The following ASTN1 variants were observed in gnomAD, a reference collection of about 807,000 sequenced individuals.
ASTN1 encodes astrotactin-1.
ASTN1 carries 41 observed loss-of-function variants against 140.7 expected under a neutral mutation model. That is an observed-to-expected ratio of 0.29 (90% CI 0.23 to 0.38). ASTN1 has a LOEUF of 0.38. Ranked by LOEUF, ASTN1 falls within the 10% of genes least tolerant of loss-of-function variation. The pLI, the probability that ASTN1 is intolerant of heterozygous loss-of-function variation, is 1.00. For synonymous variants in ASTN1, 640 were observed against 652.2 expected (o/e 0.98, Z 0.29); for missense variants, 1,479 against 1,678.8 (o/e 0.88, Z 2.08).
chr1:176,964,192 G>A (rs1314349470), intron 9 of ASTN1, among the ~76,000 whole-genome samples: 1 of 152,156 alleles, frequency 6.6e-6, no homozygotes, highest in African/African-American at 2.4e-5. Context: ...GGCTTGGAAA[G>A]GTGGCAGTGA....
At chr1:177,135,344 C>A (rs1260249368) in intron 1 of ASTN1, among the ~76,000 whole-genome samples, 1 of 151,496 alleles carries the variant, frequency 6.6e-6, no homozygotes, top group African/African-American at 2.4e-5. Context: ...CAGCCAATAC[C>A]CCACCAACAG....
intron 8 of ASTN1, among the ~76,000 whole-genome samples, chr1:176,968,524 T>C (rs1672992734): frequency 6.6e-6 from 1 of 152,170 alleles, no homozygotes; most frequent in Admixed American, 6.5e-5. Context: ...CAACTCACTC[T>C]ACAGCATTGA....
At chr1:176,970,579 G>A (rs182928783) in intron 8 of ASTN1, among the ~76,000 whole-genome samples, 5 of 151,938 alleles carry the variant, frequency 3.3e-5, no homozygotes, top group East Asian at 3.9e-4. Context: ...AGGTAGGTAG[G>A]TAGGTAGGTA....
intron 1 of ASTN1, among the ~76,000 whole-genome samples, chr1:177,154,255 A>G (rs1480965664): frequency 2.0e-5 from 3 of 152,228 alleles, no homozygotes; most frequent in African/African-American, 7.2e-5. Flanking sequence ...GTCAGAATCA[A>G]TGGATAAGAT....
At chr1:176,956,334 G>A (rs755971445) in intron 11 of ASTN1, among the ~76,000 whole-genome samples, 2 of 152,000 alleles carry the variant, frequency 1.3e-5, no homozygotes, top group Non-Finnish European at 2.9e-5. Context: ...ATAGGTAAAA[G>A]TCTGGGGAGG....
At chr1:177,054,395 C>T (rs145305794) in intron 2 of ASTN1, among the ~76,000 whole-genome samples, 1 of 152,162 alleles carries the variant, frequency 6.6e-6, no homozygotes, top group Non-Finnish European at 1.5e-5. Flanking sequence ...CTAACATCTC[C>T]TAACATCTCT....
chr1:177,034,688 C>T (rs990633233), intron 2 of ASTN1, among the ~76,000 whole-genome samples: 16 of 152,046 alleles, frequency 1.1e-4, no homozygotes, highest in Admixed American at 1.3e-4. Flanking sequence ...TGTGTCCAAC[C>T]TGACATTTTT....
chr1:177,158,345 A>T (rs1683330193), intron 1 of ASTN1, among the ~76,000 whole-genome samples: 1 of 152,216 alleles, frequency 6.6e-6, no homozygotes, highest in Non-Finnish European at 1.5e-5. Flanking sequence ...ATGTAACAAA[A>T]GCTATTGAAA....
intron 16 of ASTN1, among the ~76,000 whole-genome samples, chr1:176,900,396 C>T (rs1235609925): frequency 6.6e-6 from 1 of 152,214 alleles, no homozygotes; most frequent in Non-Finnish European, 1.5e-5. Flanking sequence ...CAGCAAAACG[C>T]ACTGCTAACT....
At chr1:176,880,915 C>G (rs536799062) in intron 20 of ASTN1, among the ~76,000 whole-genome samples, 1 of 152,338 alleles carries the variant, frequency 6.6e-6, no homozygotes, top group African/African-American at 2.4e-5. Context: ...AGGGGATTCT[C>G]AGAGTCAGCA....
chr1:176,996,285 T>TCA (rs879603228), intron 8 of ASTN1, among the ~76,000 whole-genome samples: 2,312 of 121,904 alleles, frequency 0.019, 24 homozygotes, highest in Middle Eastern at 0.03. Context: ...TCTCTCTCTC[T>TCA]CTCTCACACA....
chr1:176,991,042 G>A (rs1300794206), intron 8 of ASTN1, among the ~76,000 whole-genome samples: 4 of 151,980 alleles, frequency 2.6e-5, no homozygotes, highest in Non-Finnish European at 4.4e-5. Flanking sequence ...AATTAGCCTC[G>A]CTGCTCTTCC....
chr1:177,098,286 C>T (rs1190395161), intron 1 of ASTN1, among the ~76,000 whole-genome samples: 2 of 145,448 alleles, frequency 1.4e-5, no homozygotes, highest in African/African-American at 5.6e-5. Flanking sequence ...GAGAGTTGGC[C>T]AATTGGTTGT....
rs1007192454 is a variant in ASTN1, at chr1:176,862,763, C to T, written c.*1521G>A. On this transcript the variant is annotated 3_prime_UTR_variant, in exon 23 of 23. Coordinates refer to ENST00000361833, the MANE Select transcript of ASTN1 (RefSeq NM_004319.3). ...AGTTGCTGTGAGAATTCAATGATAC[C>T]TAAAGTGCTTACATCAGCGCCTGGC... 6.2e-6 allele frequency: 6 copies of T among 960,760 alleles called. No homozygotes were observed. Among genetic ancestry groups the T allele is most frequent in the Middle Eastern group, 5.2e-4 (1 of 1,908 alleles). 59.5% of individuals were successfully genotyped at this position (960,760 alleles called of 1,614,324 possible). A position where few individuals can be genotyped will look rare whatever the true frequency, so the allele number is the denominator to read the frequency against.
intron 1 of ASTN1, among the ~76,000 whole-genome samples, chr1:177,159,696 T>C (rs960001551): frequency 5.9e-5 from 9 of 152,258 alleles, no homozygotes; most frequent in African/African-American, 1.9e-4. Flanking sequence ...CATTACCTTC[T>C]GGATAGCTCC....
intron 1 of ASTN1, among the ~76,000 whole-genome samples, chr1:177,115,690 A>ATAAATAAG (rs1338237811): frequency 2.0e-5 from 3 of 151,588 alleles, no homozygotes; most frequent in African/African-American, 7.3e-5. Context: ...AAATAAATAA[A>ATAAATAAG]TAAATAAATG....
At chr1:177,149,421 A>ATATATATAGTAAATATATATATAG (rs1682905163) in intron 1 of ASTN1, among the ~76,000 whole-genome samples, 5 of 78,456 alleles carry the variant, frequency 6.4e-5, no homozygotes, top group African/African-American at 3.3e-4. Flanking sequence ...TATATATAGT[A>ATATATATAGTAAATATATATATAG]TATATATAGT....
chr1:177,071,057 A>G (rs1266172712), intron 1 of ASTN1, among the ~76,000 whole-genome samples: 1 of 152,238 alleles, frequency 6.6e-6, no homozygotes, highest in Non-Finnish European at 1.5e-5. Flanking sequence ...TCATAAGTCC[A>G]GGAACTATAA....
chr1:176,941,093 C>T (rs540078379), intron 14 of ASTN1, among the ~76,000 whole-genome samples: 5 of 152,152 alleles, frequency 3.3e-5, no homozygotes, highest in Non-Finnish European at 5.9e-5. Flanking sequence ...CTCTAAAATC[C>T]TCTGAGCTAA....
Sources: allele counts gnomAD v4.1 joint callset (sites outside exome capture counted in the v4.1 genomes callset), GRCh38; gene constraint gnomAD v4.1.1; transcripts MANE v1.5; gene names NCBI Gene and HGNC (gene_info 2026-07-23, HGNC 2026-07-21).